Variants in LAMA2 observed in about 807,000 individuals in gnomAD.
LAMA2 encodes the protein laminin subunit alpha-2.
A neutral mutation model predicts 364.8 loss-of-function variants in LAMA2; 269 were observed. The ratio of observed to expected loss-of-function variants is 0.74; its 90% CI spans 0.67 to 0.82. The LOEUF is 0.82. Ranked by LOEUF, LAMA2 falls within the 40% of genes least tolerant of loss-of-function variation. The probability of loss-of-function intolerance (pLI) is 0.00; values close to 1 mark genes in which losing one functional copy is unlikely to be tolerated. For synonymous variants in LAMA2, 1,379 were observed against 1,370.6 expected, an observed-to-expected ratio of 1.01 and a Z score of -0.14; for missense variants, 3,807 against 3,873.2, an observed-to-expected ratio of 0.98 and a Z score of 0.45.
At chr6:129,193,130 A>G (rs910531486) in intron 12 of LAMA2, among the ~76,000 whole-genome samples, 3 of 152,194 alleles carry the variant, frequency 2.0e-5, no homozygotes, top group African/African-American at 7.2e-5. Context: ...TATTTTCGTA[A>G]AGCAAATTAT....
chr6:129,115,257 AACAG>A (rs775193498), intron 4 of LAMA2, among the ~76,000 whole-genome samples: 9 of 152,112 alleles, frequency 5.9e-5, no homozygotes, highest in Admixed American at 1.3e-4. Flanking sequence ...TCTAAAAAAG[AACAG>A]AGAAATAACC....
At chr6:129,360,889 CT>C (rs1777420784) in intron 32 of LAMA2, among the ~76,000 whole-genome samples, 1 of 152,054 alleles carries the variant, frequency 6.6e-6, no homozygotes, top group South Asian at 2.1e-4. Flanking sequence ...CTGATTTATT[CT>C]TGTATGAAGT....
chr6:129,382,973 G>T, intron 34 of LAMA2, 149 bp from the exon 35 acceptor site: 1 of 693,146 alleles, frequency 1.4e-6, no homozygotes. Flanking sequence ...GTGAGCATGG[G>T]GCATCATTTG....
chr6:129,099,220 T>A (rs1775374218), intron 4 of LAMA2, among the ~76,000 whole-genome samples: 2 of 148,808 alleles, frequency 1.3e-5, no homozygotes, highest in African/African-American at 4.9e-5. Context: ...AAATCAGGAA[T>A]AATAATAGTT....
intron 47 of LAMA2, among the ~76,000 whole-genome samples, chr6:129,455,850 A>G (rs182730554): frequency 6.6e-6 from 1 of 152,320 alleles, no homozygotes; most frequent in East Asian, 1.9e-4. Context: ...GATATTATAA[A>G]GAATTTTAGG....
At chr6:129,264,791 T>C (rs1458067452) in intron 15 of LAMA2, among the ~76,000 whole-genome samples, 2 of 152,152 alleles carry the variant, frequency 1.3e-5, no homozygotes, top group East Asian at 3.9e-4. Flanking sequence ...ATTGCAGAAT[T>C]GTCCATCGAA....
At chr6:129,479,047 A>T (rs561471335) in intron 54 of LAMA2, among the ~76,000 whole-genome samples, 23 of 152,320 alleles carry the variant, frequency 1.5e-4, no homozygotes, top group Non-Finnish European at 2.9e-4. Flanking sequence ...TTTATAGCAC[A>T]TATCATTAAT....
At chr6:128,983,739 G>A (rs1055205464) in intron 1 of LAMA2, among the ~76,000 whole-genome samples, 1 of 152,262 alleles carries the variant, frequency 6.6e-6, no homozygotes, top group Admixed American at 6.5e-5. Context: ...ACAATGCTTT[G>A]GAGATTAAGA....
At position 129,516,410 on chromosome 6, in the gene LAMA2, A is replaced by G; in HGVS notation, c.*63A>G. ...CAAGTATATCAAGTAAAACAAACAA[A>G]TATATTTTACCTATATATGTTAATT... On this transcript the variant is annotated 3_prime_UTR_variant, in exon 65 of 65. Transcript: ENST00000421865. The G allele has an allele frequency of 6.7e-7, 1 of 1,490,454 alleles. No individual in the cohort carries two copies. Among genetic ancestry groups the G allele is most frequent in the Non-Finnish European group, 9.2e-7 (1 of 1,082,078 alleles). 92.3% of individuals were successfully genotyped at this position (1,490,454 alleles called of 1,614,324 possible). A position where few individuals can be genotyped will look rare whatever the true frequency, so the allele number is the denominator to read the frequency against.
intron 1 of LAMA2, among the ~76,000 whole-genome samples, chr6:128,960,457 G>GCCC (rs1276498386): frequency 1.2e-4 from 17 of 145,190 alleles, no homozygotes; most frequent in African/African-American, 3.9e-4. Flanking sequence ...TCCGGCCTTG[G>GCCC]CCCCACCCCG....
chr6:128,923,268 G>A (rs1000421756), intron 1 of LAMA2, among the ~76,000 whole-genome samples: 1 of 151,642 alleles, frequency 6.6e-6, no homozygotes, highest in Non-Finnish European at 1.5e-5. Context: ...AGCTTGATGG[G>A]AATGGCATTG....
intron 1 of LAMA2, among the ~76,000 whole-genome samples, chr6:129,046,617 C>A (rs1401773720): frequency 6.6e-6 from 1 of 152,182 alleles, no homozygotes; most frequent in Non-Finnish European, 1.5e-5. Context: ...CACAGCCAAA[C>A]CATATCCACC....
chr6:129,014,144 C>T lies in LAMA2; in HGVS notation c.113-35774C>T, dbSNP rs183875560. On this transcript the variant is annotated intron_variant, in intron 1 of 64. Coordinates refer to ENST00000421865, the MANE Select transcript of LAMA2 (RefSeq NM_000426.4). Reference sequence around the variant, plus strand: ...GCAAGATTTTTCATGGAGGGAAGGCCAGAGAAGAAACAGTTCTGCTATAGC... The same window carrying T: ...GCAAGATTTTTCATGGAGGGAAGGCTAGAGAAGAAACAGTTCTGCTATAGC... Among the ~76,000 whole-genome samples the T allele has an allele frequency of 2.0e-5, 3 of 152,152 alleles. No homozygotes were observed. In the East Asian group the frequency reaches 5.8e-4, roughly 29 times the overall value.
chr6:129,314,601 T>C (rs537053687), intron 23 of LAMA2, 54 bp from the exon 24 acceptor site: 94 of 1,575,806 alleles, frequency 6.0e-5, no homozygotes, highest in Admixed American at 1.5e-4. Flanking sequence ...CTCAGGGTGA[T>C]TTCTCCCCTA....
At chr6:129,226,467 T>G (rs1199376318) in intron 12 of LAMA2, among the ~76,000 whole-genome samples, 1 of 152,226 alleles carries the variant, frequency 6.6e-6, no homozygotes. Flanking sequence ...CAGTGGCTGG[T>G]ACTGGTTGTT....
chr6:129,098,316 C>A lies in LAMA2; in HGVS notation c.540C>A (p.Tyr180Ter). ...AVTDTECLTL[Y>*]NIYPRTGPPS... ...CAGACACGGAGTGCCTAACGCTTTACAATATTTATCCCCGCACTGGGCCAC... is the reference window on the plus strand; with the variant it reads ...CAGACACGGAGTGCCTAACGCTTTAAAATATTTATCCCCGCACTGGGCCAC... The change falls in exon 4 of 65, where the codon TAC becomes TAA. Residue 180 changes from tyrosine (Y) to a stop codon, truncating the protein, a stop_gained. Coordinates refer to ENST00000421865, the MANE Select transcript of LAMA2 (RefSeq NM_000426.4). LOFTEE classifies it high-confidence loss of function. 6.2e-7 allele frequency: 1 copy of A among 1,614,060 alleles called. No individual in the cohort carries two copies. Among genetic ancestry groups the A allele is most frequent in the Non-Finnish European group, 8.5e-7 (1 of 1,179,972 alleles).
At chr6:129,051,552 T>TC (rs11369775) in intron 2 of LAMA2, among the ~76,000 whole-genome samples, 142,374 of 149,586 alleles carry the variant, frequency 0.95, 67,837 homozygotes, top group East Asian at 0.97. Context: ...CCTCAAGTGA[T>TC]CACCCGCTTC....
chr6:128,935,520 A>G (rs959306056), intron 1 of LAMA2, among the ~76,000 whole-genome samples: 7 of 152,174 alleles, frequency 4.6e-5, no homozygotes, highest in Admixed American at 2.0e-4. Flanking sequence ...TGCTGCAGTA[A>G]ACATACATGT....
intron 29 of LAMA2, among the ~76,000 whole-genome samples, chr6:129,331,333 T>C (rs753011713): frequency 6.6e-6 from 1 of 152,072 alleles, no homozygotes; most frequent in Non-Finnish European, 1.5e-5. Context: ...CATTCCTAGG[T>C]GATTATTTCA....
Sources: gnomAD v4.1 joint callset for allele counts (sites outside exome capture counted in the v4.1 genomes callset) on GRCh38, gnomAD v4.1.1 for gene constraint, MANE v1.5 for transcripts, NCBI Gene and HGNC (gene_info 2026-07-23, HGNC 2026-07-21) for gene names.